Variants in ACTN4 observed in about 807,000 individuals in gnomAD.
ACTN4 encodes the protein alpha-actinin-4.
A neutral mutation model predicts 114.2 loss-of-function variants in ACTN4; 18 were observed. The ratio of observed to expected loss-of-function variants is 0.16; its 90% CI spans 0.11 to 0.23. ACTN4 has a LOEUF of 0.23. ACTN4 is among the 10% of genes least tolerant of loss of function. ACTN4 has a pLI of 1.00. For synonymous variants in ACTN4, 515 were observed against 506.3 expected, an observed-to-expected ratio of 1.02 and a Z score of -0.23; for missense variants, 722 against 1,262.9, an observed-to-expected ratio of 0.57 and a Z score of 6.49.
rs57825116 is a variant in ACTN4, at chr19:38,682,281, C to CT, written c.163-18318dup. 1.0e-3 allele frequency among the ~76,000 whole-genome samples: 155 copies of CT among 152,320 alleles called. 1 individual carries two copies. The highest frequency in any genetic ancestry group is 3.6e-3 in the African/African-American group (150 of 41,574). Reference sequence around the variant, plus strand: ...TCTCAAACTTCTGGCCTCAAGTGATCTGCCTGCCTCAGCCTCCCGAAGTGC... The same window carrying CT: ...TCTCAAACTTCTGGCCTCAAGTGATCTTGCCTGCCTCAGCCTCCCGAAGTGC... On this transcript the variant is annotated intron_variant, in intron 1 of 20. Coordinates refer to ENST00000252699, the MANE Select transcript of ACTN4 (RefSeq NM_004924.6).
At chr19:38,719,161 A>T (rs1968948078) in intron 11 of ACTN4, among the ~76,000 whole-genome samples, 1 of 152,076 alleles carries the variant, frequency 6.6e-6, no homozygotes, top group Admixed American at 6.5e-5. Flanking sequence ...CAAGGTTGAG[A>T]TTTCAGATCC....
intron 12 of ACTN4, 139 bp from the exon 13 acceptor site, chr19:38,723,475 C>G: frequency 1.4e-6 from 1 of 727,104 alleles, no homozygotes; most frequent in South Asian, 1.5e-5. Context: ...ATTTGATTGA[C>G]CAATTAGTGA....
At chr19:38,679,071 T>G (rs1377352073) in intron 1 of ACTN4, among the ~76,000 whole-genome samples, 1 of 152,208 alleles carries the variant, frequency 6.6e-6, no homozygotes, top group Non-Finnish European at 1.5e-5. Flanking sequence ...CAATCCAGTC[T>G]TTCTCCTGTA....
In ACTN4 at chr19:38,727,716, G is replaced by A; in HGVS notation, c.2338-230G>A. 1.7e-6 allele frequency: 1 copy of A among 590,674 alleles called. No individual in the cohort carries two copies. Among genetic ancestry groups the A allele is most frequent in the Admixed American group, 2.9e-5 (1 of 34,282 alleles). The allele number at this position is 590,674 out of a possible 1,614,324, so 36.6% of individuals were successfully genotyped here. Reference sequence around the variant, plus strand: ...CCCCTGCTGTGGGCAGAGAGGTCGGGGAGGCCTCTGCCTTCCTTTGAGCTT... The same window carrying A: ...CCCCTGCTGTGGGCAGAGAGGTCGGAGAGGCCTCTGCCTTCCTTTGAGCTT... On this transcript the variant is annotated intron_variant, in intron 18 of 20. Coordinates refer to ENST00000252699, the MANE Select transcript of ACTN4 (RefSeq NM_004924.6). This position sits in a 1 kb window ranked among gnomAD's most constrained non-coding sequence, Gnocchi z 5.4.
chr19:38,670,951 A>G (rs963368063), intron 1 of ACTN4, among the ~76,000 whole-genome samples: 1 of 150,578 alleles, frequency 6.6e-6, no homozygotes, highest in Non-Finnish European at 1.5e-5. Flanking sequence ...TGCAGGCCAT[A>G]CAAAATAGGG....
In ACTN4 at chr19:38,700,637, C is replaced by T; in HGVS notation, c.200C>T (p.Ala67Val). 1.2e-6 allele frequency: 2 copies of T among 1,614,204 alleles called. No homozygotes were observed. Among genetic ancestry groups the T allele is most frequent in the Non-Finnish European group, 1.7e-6 (2 of 1,180,046 alleles). Residue 67 changes from alanine (A) to valine (V), a missense_variant, in exon 2 of 21, where the codon GCA becomes GTA. Transcript: ENST00000252699. Reference sequence around the variant, plus strand: ...TGGTGCAACTCCCACCTGCGGAAGGCAGGCACACAGATCGAGAACATTGAT... The same window carrying T: ...TGGTGCAACTCCCACCTGCGGAAGGTAGGCACACAGATCGAGAACATTGAT... ...TAWCNSHLRK[A>V]GTQIENIDED... is the part of the protein sequence containing the mutation.
chr19:38,721,441 A>G, intron 11 of ACTN4, 97 bp from the exon 12 acceptor site: 1 of 1,434,866 alleles, frequency 7.0e-7, no homozygotes, highest in South Asian at 1.2e-5. Flanking sequence ...TGTGGGGTCC[A>G]CAGTCTCTCT....
chr19:38,673,447 ATATATATTCATATATATTTATATATATT>A (rs1284825652), intron 1 of ACTN4, among the ~76,000 whole-genome samples: 1 of 97,328 alleles, frequency 1.0e-5, no homozygotes, highest in African/African-American at 3.8e-5. Flanking sequence ...TTTTTTATAT[ATATATATTCATATATATTTATATATATT>A]TATATATATA....
intron 8 of ACTN4, among the ~76,000 whole-genome samples, chr19:38,713,802 C>T (rs940923752): frequency 6.6e-6 from 1 of 151,502 alleles, no homozygotes; most frequent in Non-Finnish European, 1.5e-5. Flanking sequence ...TGGTCTCTCT[C>T]TCCCCGTGTG....
At chr19:38,716,011 C>T (rs890210848) in intron 9 of ACTN4, among the ~76,000 whole-genome samples, 7 of 152,244 alleles carry the variant, frequency 4.6e-5, no homozygotes, top group Non-Finnish European at 1.0e-4. Flanking sequence ...AAGCAGTTCT[C>T]CTGCCTCAGC....
chr19:38,709,364 G>A (rs1968565819), intron 6 of ACTN4, 31 bp from the exon 7 acceptor site: 1 of 1,559,448 alleles, frequency 6.4e-7, no homozygotes, highest in East Asian at 2.2e-5. Flanking sequence ...CCCTGACGGA[G>A]TTCTTGTTGT....
At chr19:38,714,908 T>C (rs1408245322) in intron 9 of ACTN4, among the ~76,000 whole-genome samples, 5 of 151,806 alleles carry the variant, frequency 3.3e-5, no homozygotes, top group Non-Finnish European at 7.4e-5. Flanking sequence ...CTGGAGAGAG[T>C]GATTCAGAAG....
chr19:38,677,120 T>C (rs62121818), intron 1 of ACTN4, among the ~76,000 whole-genome samples: 57,692 of 151,922 alleles, frequency 0.38, 12,164 homozygotes, highest in Non-Finnish European at 0.47. Context: ...CTCCTCATTC[T>C]TCAGATGGCA....
intron 8 of ACTN4, among the ~76,000 whole-genome samples, chr19:38,713,595 C>T (rs1968738268): frequency 6.6e-6 from 1 of 152,198 alleles, no homozygotes; most frequent in South Asian, 2.1e-4. Context: ...TGCCGCCTCC[C>T]CGCCTGTCTC....
chr19:38,701,177 G>A (rs1159920369), intron 3 of ACTN4, 56 bp downstream of exon 3: 7 of 1,610,218 alleles, frequency 4.3e-6, no homozygotes, highest in Admixed American at 3.3e-5. Context: ...TTTAGGCTCT[G>A]AAGCACAACA....
intron 3 of ACTN4, among the ~76,000 whole-genome samples, chr19:38,701,765 G>C (rs967930850): frequency 7.2e-5 from 11 of 152,240 alleles, no homozygotes; most frequent in Admixed American, 3.9e-4. Flanking sequence ...GGCGCTTTTA[G>C]AGACAGGCGA....
chr19:38,699,754 CAA>C (rs528707102), intron 1 of ACTN4, among the ~76,000 whole-genome samples: 8 of 122,734 alleles, frequency 6.5e-5, no homozygotes, highest in African/African-American at 9.2e-5. Flanking sequence ...GACTCCTTCT[CAA>C]AAAAAAAAAA....
chr19:38,730,008 C>T lies in ACTN4; in HGVS notation c.*576C>T, dbSNP rs191237993. On this transcript the variant is annotated 3_prime_UTR_variant, in exon 21 of 21. Coordinates refer to ENST00000252699, the MANE Select transcript of ACTN4 (RefSeq NM_004924.6). ...CAGCAGAGGAGCTGAGTTGGCAGACCGGGCCCCCCTGAACCGCACCCCATC... is the reference window on the plus strand; with the variant it reads ...CAGCAGAGGAGCTGAGTTGGCAGACTGGGCCCCCCTGAACCGCACCCCATC... 2.4e-5 allele frequency: 7 copies of T among 297,194 alleles called. No homozygotes were observed. The highest frequency in any genetic ancestry group is 4.4e-5 in the African/African-American group (2 of 44,958). 18.4% of individuals were successfully genotyped at this position (297,194 alleles called of 1,614,324 possible).
chr19:38,729,204 G>A, intron 20 of ACTN4, 50 bp downstream of exon 20: 1 of 1,612,788 alleles, frequency 6.2e-7, no homozygotes, highest in Non-Finnish European at 8.5e-7. Flanking sequence ...AGGGGTCCCT[G>A]CAGTGGGAGG....
Sources: allele counts gnomAD v4.1 joint callset (sites outside exome capture counted in the v4.1 genomes callset), GRCh38; gene constraint gnomAD v4.1.1; non-coding constraint Gnocchi (gnomAD v3.1); transcripts MANE v1.5; gene names NCBI Gene and HGNC (gene_info 2026-07-23, HGNC 2026-07-21).